Variants in CYP27A1 observed in about 807,000 individuals in gnomAD.
CYP27A1 encodes the protein cytochrome P450 family 27 subfamily A member 1.
Under a neutral mutation model 58.2 loss-of-function variants are expected in CYP27A1, and 46 were observed. The ratio of observed to expected loss-of-function variants is 0.79; its 90% CI spans 0.62 to 1.01. CYP27A1 has a LOEUF of 1.01. Ranked by LOEUF, CYP27A1 falls within the 50% of genes least tolerant of loss-of-function variation. The probability of loss-of-function intolerance (pLI) is 0.00; values close to 1 mark genes in which losing one functional copy is unlikely to be tolerated. For synonymous variants in CYP27A1, 274 were observed against 285.1 expected (o/e 0.96, Z 0.39); for missense variants, 704 against 687.0 (o/e 1.02, Z -0.28).
At chr2:218,799,247 T>G (rs1943576762) in intron 1 of CYP27A1, among the ~76,000 whole-genome samples, 1 of 152,068 alleles carries the variant, frequency 6.6e-6, no homozygotes, top group South Asian at 2.1e-4. Flanking sequence ...TTCTAAGCCC[T>G]TATCTAGACG....
chr2:218,809,302 C>T (rs911010429), intron 1 of CYP27A1, among the ~76,000 whole-genome samples: 1 of 152,166 alleles, frequency 6.6e-6, no homozygotes, highest in South Asian at 2.1e-4. Context: ...CAAACTTTCA[C>T]TCCTCCAAGG....
intron 1 of CYP27A1, among the ~76,000 whole-genome samples, chr2:218,795,671 G>C (rs13002060): frequency 1.3e-5 from 2 of 151,926 alleles, no homozygotes; most frequent in Admixed American, 1.3e-4. Context: ...GAGCAGGCAG[G>C]GTTAGTCTAA....
In CYP27A1 at chr2:218,782,277, C is replaced by T. The variant is rs1328145460; in HGVS notation, c.95C>T (p.Pro32Leu). The change falls in exon 1 of 9, where the codon CCT (proline) becomes CTT (leucine). Residue 32 changes from proline to leucine, a missense_variant. Pro to Leu is a moderately conservative substitution (Grantham distance 98). Coordinates refer to ENST00000258415, the MANE Select transcript of CYP27A1 (RefSeq NM_000784.4). The surrounding 1 kb of genome is among the most constrained non-coding windows in gnomAD (Gnocchi z 4.1). ...PHGARAKAAI[P>L]AALPSDKATG... ...GGGGCCAGAGCCAAGGCCGCGATCC[C>T]TGCCGCCCTCCCCTCGGACAAGGCC... The T allele has an allele frequency of 6.3e-7, 1 of 1,581,650 alleles. No individual in the cohort carries two copies. The highest frequency in any genetic ancestry group is 1.8e-5 in the Admixed American group (1 of 55,310).
chr2:218,808,432 A>C (rs571221489), intron 1 of CYP27A1, among the ~76,000 whole-genome samples: 1 of 152,318 alleles, frequency 6.6e-6, no homozygotes, highest in South Asian at 2.1e-4. Flanking sequence ...TATTGGAGGC[A>C]ATTATGTTGG....
At chr2:218,808,360 C>G (rs1237220935) in intron 1 of CYP27A1, among the ~76,000 whole-genome samples, 1 of 152,210 alleles carries the variant, frequency 6.6e-6, no homozygotes, top group Non-Finnish European at 1.5e-5. Context: ...TCAAGACTGT[C>G]CTTCCAGGAA....
intron 2 of CYP27A1, among the ~76,000 whole-genome samples, chr2:218,810,262 G>A (rs1286794558): frequency 1.3e-5 from 2 of 151,492 alleles, no homozygotes; most frequent in Non-Finnish European, 2.9e-5. Flanking sequence ...CTGGGCAACA[G>A]AGTGAGACTC....
chr2:218,785,715 G>A (rs1440264600), intron 1 of CYP27A1, among the ~76,000 whole-genome samples: 2 of 152,062 alleles, frequency 1.3e-5, no homozygotes, highest in African/African-American at 2.4e-5. Flanking sequence ...TGGGGCACAC[G>A]AACCTGGGCC....
chr2:218,804,615 G>T (rs1184532433), intron 1 of CYP27A1, among the ~76,000 whole-genome samples: 1 of 152,194 alleles, frequency 6.6e-6, no homozygotes, highest in African/African-American at 2.4e-5. Flanking sequence ...CATTGAATTT[G>T]TAGTTTGCCT....
In CYP27A1 at chr2:218,814,385, A is replaced by G; in HGVS notation, c.1190A>G (p.Tyr397Cys). Residue 397 changes from tyrosine (Y) to cysteine (C), a missense_variant, in exon 7 of 9, where the codon TAC becomes TGC. Transcript: ENST00000258415. Reference sequence around the variant, plus strand: ...AGACATTCTTTTCCCTGCAGTCTCTACCCTGTGGTCCCCACAAACTCCCGG... The same window carrying G: ...AGACATTCTTTTCCCTGCAGTCTCTGCCCTGTGGTCCCCACAAACTCCCGG... ...KAVLKETLRL[Y>C]PVVPTNSRII... 2 of 1,614,134 alleles carry G rather than the reference A, an allele frequency of 1.2e-6. No individual in the cohort carries two copies. Among genetic ancestry groups the G allele is most frequent in the South Asian group, 1.1e-5 (1 of 91,088 alleles).
intron 2 of CYP27A1, among the ~76,000 whole-genome samples, chr2:218,810,027 C>A (rs772876918): frequency 1.2e-4 from 18 of 152,122 alleles, no homozygotes; most frequent in Non-Finnish European, 2.5e-4. Flanking sequence ...ACCTGTAATC[C>A]CAGCACTTTG....
rs139279260 is a variant in CYP27A1, at chr2:218,814,715, C to T, written c.1434C>T (p.Gly478=). 54 of 1,614,172 alleles carry T rather than the reference C, an allele frequency of 3.3e-5. No individual in the cohort carries two copies. The African/African-American group carries it at 5.3e-4, about 16-fold the overall frequency. ...GCTATGGGGTCCGGGCCTGCCTGGGCCGCAGGATTGCAGAGCTGGAGATGC... is the reference window on the plus strand; with the variant it reads ...GCTATGGGGTCCGGGCCTGCCTGGGTCGCAGGATTGCAGAGCTGGAGATGC... ...PFGYGVRACL[G]RRIAELEMQL... The change falls in exon 8 of 9, where the codon GGC becomes GGT. Residue 478 remains glycine (G), a synonymous_variant. Transcript: ENST00000258415.
chr2:218,805,116 C>T (rs1943637835), intron 1 of CYP27A1, among the ~76,000 whole-genome samples: 1 of 152,178 alleles, frequency 6.6e-6, no homozygotes, highest in Admixed American at 6.5e-5. Context: ...AGGGTTTCAA[C>T]ATAAGAATTT....
intron 1 of CYP27A1, among the ~76,000 whole-genome samples, chr2:218,807,106 C>T (rs1277912447): frequency 6.6e-6 from 1 of 151,386 alleles, no homozygotes; most frequent in Non-Finnish European, 1.5e-5. Flanking sequence ...ATTACAGGCG[C>T]CCACCAACAT....
intron 1 of CYP27A1, among the ~76,000 whole-genome samples, chr2:218,801,811 T>C (rs892237296): frequency 3.3e-5 from 5 of 152,026 alleles, no homozygotes; most frequent in African/African-American, 4.8e-5. Flanking sequence ...TTCTTGTATT[T>C]TTGTAGTTTC....
chr2:218,807,775 AT>A (rs759173020), intron 1 of CYP27A1, among the ~76,000 whole-genome samples: 309 of 142,788 alleles, frequency 2.2e-3, no homozygotes, highest in Middle Eastern at 3.7e-3. Flanking sequence ...TGCCCAGCGA[AT>A]TTTTTTTTTT....
At chr2:218,798,546 A>G (rs1021148294) in intron 1 of CYP27A1, among the ~76,000 whole-genome samples, 1 of 152,196 alleles carries the variant, frequency 6.6e-6, no homozygotes, top group African/African-American at 2.4e-5. Context: ...GGCAAGTCAA[A>G]TAGTTCTCAA....
intron 1 of CYP27A1, among the ~76,000 whole-genome samples, chr2:218,808,172 G>A (rs567274818): frequency 6.6e-5 from 10 of 152,122 alleles, no homozygotes; most frequent in South Asian, 6.2e-4. Flanking sequence ...TTAACAAATC[G>A]TCCTCCAAGT....
At position 218,813,080 on chromosome 2, in the gene CYP27A1, T is replaced by A; in HGVS notation, c.1001T>A (p.Met334Lys). The change falls in exon 5 of 9, where the codon ATG (methionine) becomes AAG (lysine). Residue 334 changes from methionine to lysine, a missense_variant. Met to Lys is a moderately conservative substitution (Grantham distance 95, BLOSUM62 -1). Transcript: ENST00000258415. ...ATGGGCAGCCTGCCTGAGCTGCTCA[T>A]GGCTGGAGTGGACACGGTGCGTGAA... ...EAMGSLPELLMAGVDTTSNTL... is the reference protein window; with the variant it reads ...EAMGSLPELLKAGVDTTSNTL... 6.2e-7 allele frequency: 1 copy of A among 1,612,452 alleles called. No homozygotes were observed. The highest frequency in any genetic ancestry group is 2.2e-5 in the East Asian group (1 of 44,824).
chr2:218,789,959 T>C (rs1489828836), intron 1 of CYP27A1, among the ~76,000 whole-genome samples: 2 of 152,202 alleles, frequency 1.3e-5, no homozygotes, highest in Non-Finnish European at 2.9e-5. Flanking sequence ...TGTTCTAGGA[T>C]CTATTTGTTT....
Sources: gnomAD v4.1 joint callset for allele counts (sites outside exome capture counted in the v4.1 genomes callset) on GRCh38, gnomAD v4.1.1 for gene constraint, Gnocchi (gnomAD v3.1) non-coding constraint, MANE v1.5 for transcripts, NCBI Gene and HGNC (gene_info 2026-07-23, HGNC 2026-07-21) for gene names.